Variants in PATJ observed in about 807,000 individuals in gnomAD.
PATJ encodes the protein inaD-like protein.
Under a neutral mutation model 224.9 loss-of-function variants are expected in PATJ, and 190 were observed. The observed-to-expected ratio is 0.84, with a 90% CI of 0.75 to 0.95. The LOEUF (loss-of-function observed/expected upper bound fraction) is 0.95, where lower values mean the gene tolerates loss of function less well. PATJ is among the 40% of genes least tolerant of loss of function. The pLI, the probability that PATJ is intolerant of heterozygous loss-of-function variation, is 0.00. For missense variants in PATJ, 2,121 were observed against 2,270.3 expected, an observed-to-expected ratio of 0.93 and a Z score of 1.34; for synonymous variants, 769 against 820.3, an observed-to-expected ratio of 0.94 and a Z score of 1.07.
At chr1:61,908,583 T>G in intron 25 of PATJ, 101 bp downstream of exon 25, 3 of 711,884 alleles carry the variant, frequency 4.2e-6, no homozygotes, top group Non-Finnish European at 7.3e-6. Context: ...TCATTGTAGT[T>G]CCCAAACTAT....
chr1:61,778,892 G>A (rs999517426), intron 7 of PATJ, among the ~76,000 whole-genome samples: 2 of 151,882 alleles, frequency 1.3e-5, no homozygotes, highest in African/African-American at 4.8e-5. Context: ...ATAGAGATGG[G>A]GTTTCACTAT....
chr1:62,069,746 A>G (rs1458675139), intron 31 of PATJ, among the ~76,000 whole-genome samples: 2 of 152,108 alleles, frequency 1.3e-5, no homozygotes, highest in African/African-American at 4.8e-5. Context: ...CATCTGTCTC[A>G]CTAGGTCTGT....
intron 7 of PATJ, among the ~76,000 whole-genome samples, chr1:61,786,099 G>A (rs994896167): frequency 6.6e-5 from 10 of 152,164 alleles, no homozygotes; most frequent in Non-Finnish European, 1.3e-4. Context: ...TTTGCTCACC[G>A]CAACCTCCGC....
chr1:62,090,615 G>C (rs188802332), intron 33 of PATJ, among the ~76,000 whole-genome samples: 16 of 152,236 alleles, frequency 1.1e-4, no homozygotes, highest in Admixed American at 2.0e-4. Context: ...GGATATCAGA[G>C]GTAGTATATT....
chr1:62,015,942 T>C (rs1469378259), intron 28 of PATJ, among the ~76,000 whole-genome samples: 1 of 152,102 alleles, frequency 6.6e-6, no homozygotes, highest in Non-Finnish European at 1.5e-5. Flanking sequence ...GTGCTGACTA[T>C]AGGCACCCAG....
chr1:61,744,433 C>T (rs1180179954), intron 1 of PATJ, among the ~76,000 whole-genome samples: 2 of 151,894 alleles, frequency 1.3e-5, no homozygotes, highest in Non-Finnish European at 2.9e-5. Context: ...CATGAGCTTT[C>T]TCCCTCAGGC....
chr1:62,089,422 C>T (rs1446284914), intron 33 of PATJ, among the ~76,000 whole-genome samples: 2 of 151,446 alleles, frequency 1.3e-5, no homozygotes, highest in African/African-American at 2.4e-5. Context: ...TCTTGAGGTT[C>T]GTAATATATA....
chr1:61,880,229 T>G (rs187362173), intron 21 of PATJ, among the ~76,000 whole-genome samples: 2 of 152,348 alleles, frequency 1.3e-5, no homozygotes, highest in East Asian at 3.9e-4. Context: ...CTCTCTCCAC[T>G]AGAATGCTAG....
chr1:61,901,363 TG>T lies in PATJ; in HGVS notation c.3287del (p.Gly1096GlufsTer13). On this transcript the variant is annotated frameshift_variant, in exon 24 of 44. Transcript: ENST00000642238. LOFTEE classifies it high-confidence loss of function. ...GQTVIKRLKN[G>X]EELKGIFIKQ... is the part of the protein sequence containing the mutation. The stretch of plus-strand genomic sequence containing the variant: ...AAACTGTTATAAAACGTCTAAAGAA[TG>T]GAGAGGAGCTTAAAGGTATATTCAT... The T allele has an allele frequency of 6.3e-7, 1 of 1,588,588 alleles. No individual in the cohort carries two copies. The highest frequency in any genetic ancestry group is 8.5e-7 in the Non-Finnish European group (1 of 1,171,238).
At chr1:62,014,442 CATG>C (rs1646645695) in intron 28 of PATJ, among the ~76,000 whole-genome samples, 2 of 151,876 alleles carry the variant, frequency 1.3e-5, no homozygotes, top group Non-Finnish European at 2.9e-5. Context: ...CAGCAAAAAA[CATG>C]ATCATACTAG....
chr1:62,134,362 TGAG>T (rs1666598940), intron 41 of PATJ, among the ~76,000 whole-genome samples: 1 of 146,970 alleles, frequency 6.8e-6, no homozygotes, highest in Non-Finnish European at 1.5e-5. Context: ...TTTTACTTTT[TGAG>T]ACTGAGTTTT....
At chr1:62,108,622 C>T (rs1663413304) in intron 34 of PATJ, 102 bp downstream of exon 34, 1 of 574,978 alleles carries the variant, frequency 1.7e-6, no homozygotes, top group Non-Finnish European at 3.0e-6. Flanking sequence ...TCACTGATTC[C>T]TCTCCCATTT....
chr1:61,775,358 A>T (rs1646855876), intron 7 of PATJ, 24 bp downstream of exon 7: 1 of 1,593,812 alleles, frequency 6.3e-7, no homozygotes, highest in Non-Finnish European at 8.5e-7. Context: ...CCTTGTTATC[A>T]TTTTGGTTTT....
chr1:61,832,941 T>C (rs1169628387), intron 16 of PATJ, among the ~76,000 whole-genome samples: 2 of 152,128 alleles, frequency 1.3e-5, no homozygotes, highest in Non-Finnish European at 2.9e-5. Context: ...CTCTTCTTCC[T>C]AAAAAGACAG....
intron 7 of PATJ, among the ~76,000 whole-genome samples, chr1:61,787,017 A>C (rs1648697112): frequency 6.6e-6 from 1 of 151,884 alleles, no homozygotes; most frequent in African/African-American, 2.4e-5. Context: ...CTATCTATCT[A>C]TCTGTCTATC....
chr1:61,971,810 T>C (rs1479849829), intron 27 of PATJ, among the ~76,000 whole-genome samples: 6 of 150,182 alleles, frequency 4.0e-5, no homozygotes, highest in African/African-American at 7.4e-5. Context: ...CCTGGAAACA[T>C]TGTGAGACCC....
chr1:61,996,419 T>G (rs1281781933), intron 28 of PATJ, among the ~76,000 whole-genome samples: 1 of 152,192 alleles, frequency 6.6e-6, no homozygotes, highest in African/African-American at 2.4e-5. Flanking sequence ...TTTGGAAAAC[T>G]TAGATGTGTT....
intron 39 of PATJ, 139 bp downstream of exon 39, chr1:62,123,197 A>T (rs1665288135): frequency 1.6e-6 from 1 of 611,528 alleles, no homozygotes. Context: ...TCTAAATAAC[A>T]TCAATAAATA....
chr1:62,117,957 CCT>C (rs936786678), intron 37 of PATJ, among the ~76,000 whole-genome samples: 27 of 152,088 alleles, frequency 1.8e-4, no homozygotes, highest in Non-Finnish European at 3.1e-4. Context: ...TGGTCCCCTC[CCT>C]GGTTGCCTTA....
Sources: gnomAD v4.1 joint callset for allele counts (sites outside exome capture counted in the v4.1 genomes callset) on GRCh38, gnomAD v4.1.1 for gene constraint, MANE v1.5 for transcripts, NCBI Gene and HGNC (gene_info 2026-07-23, HGNC 2026-07-21) for gene names.